INTS6: variants seen among roughly 807,000 people sequenced by gnomAD.
INTS6 encodes the protein DEAD box protein.
A neutral mutation model predicts 104.9 loss-of-function variants in INTS6; 16 were observed. The ratio of observed to expected loss-of-function variants is 0.15; its 90% CI spans 0.10 to 0.23. The LOEUF is 0.23. INTS6 is among the 10% of genes least tolerant of loss of function. The probability of loss-of-function intolerance (pLI) is 1.00; values close to 1 mark genes in which losing one functional copy is unlikely to be tolerated. For missense variants in INTS6, 584 were observed against 1,062.8 expected (o/e 0.55, Z 6.26); for synonymous variants, 324 against 358.7 (o/e 0.90, Z 1.09).
At chr13:51,404,306 A>C (rs1044240185) in intron 4 of INTS6, among the ~76,000 whole-genome samples, 3 of 151,566 alleles carry the variant, frequency 2.0e-5, no homozygotes, top group African/African-American at 7.3e-5. Flanking sequence ...AAAAAAAAAA[A>C]AAACAAAACT....
At position 51,431,475 on chromosome 13, in the gene INTS6, C is replaced by A. The variant is rs565255326; in HGVS notation, c.340-1092G>T. Among the ~76,000 whole-genome samples, 3 of 152,222 alleles carry A rather than the reference C, an allele frequency of 2.0e-5. No homozygotes were observed. The East Asian group carries it at 5.8e-4, about 29-fold the overall frequency. On this transcript the variant is annotated intron_variant, in intron 3 of 17. Transcript: ENST00000311234. ...GCTAGAAGACACTAATAGCCACAGA[C>A]CATACTTAGAACAACAAGAATGTAG...
intron 10 of INTS6, 73 bp from the exon 11 acceptor site, chr13:51,379,645 T>A: frequency 1.3e-6 from 1 of 758,114 alleles, no homozygotes; most frequent in Non-Finnish European, 2.0e-6. Flanking sequence ...TAGTCTGTCT[T>A]AAAATTTTCT....
the INTS6 span, among the ~76,000 whole-genome samples, chr13:51,336,555 G>A: frequency 1.3e-5 from 2 of 152,126 alleles, no homozygotes; most frequent in African/African-American, 4.8e-5. Context: ...TAGTCCAGCC[G>A]GTTACATGAC....
chr13:51,430,918 CA>C, intron 3 of INTS6, among the ~76,000 whole-genome samples: 1 of 152,046 alleles, frequency 6.6e-6, no homozygotes, highest in African/African-American at 2.4e-5. Flanking sequence ...CTAAATTCAG[CA>C]AAAATTTAAC....
chr13:51,430,231 C>A, intron 4 of INTS6, 63 bp downstream of exon 4: 2 of 1,379,848 alleles, frequency 1.4e-6, no homozygotes, highest in South Asian at 1.2e-5. Flanking sequence ...GTTCAGTATC[C>A]TACAAAAATA....
At chr13:51,430,204 G>T (rs1238353249) in intron 4 of INTS6, 90 bp downstream of exon 4, 5 of 1,029,368 alleles carry the variant, frequency 4.9e-6, no homozygotes, top group South Asian at 1.4e-5. Flanking sequence ...TAATCAACGA[G>T]AGAACCTATT....
At chr13:51,406,072 C>CTACTGCCT (rs1329763820) in intron 4 of INTS6, among the ~76,000 whole-genome samples, 2 of 152,098 alleles carry the variant, frequency 1.3e-5, no homozygotes, top group Non-Finnish European at 2.9e-5. Flanking sequence ...CCTCTGGCTG[C>CTACTGCCT]TACTGCCTTC....
At chr13:51,409,038 C>T (rs1000833791) in intron 4 of INTS6, among the ~76,000 whole-genome samples, 6 of 152,172 alleles carry the variant, frequency 3.9e-5, no homozygotes, top group East Asian at 1.9e-4. Context: ...TTTGAGTCTA[C>T]GCCTTCCCCA....
the INTS6 span, chr13:51,346,971 G>A: frequency 2.0e-5 from 27 of 1,338,414 alleles, no homozygotes; most frequent in Admixed American, 3.7e-4. Context: ...CACTGGGTTC[G>A]GTTCAGTTTC....
intron 4 of INTS6, among the ~76,000 whole-genome samples, chr13:51,409,441 TG>T (rs1186532381): frequency 6.6e-6 from 1 of 151,870 alleles, no homozygotes; most frequent in Non-Finnish European, 1.5e-5. Flanking sequence ...ATGTTGGCTT[TG>T]GACAGATATT....
chr13:51,378,282 T>C lies in INTS6; in HGVS notation c.1559A>G (p.Asn520Ser). The C allele has an allele frequency of 6.2e-7, 1 of 1,613,414 alleles. No homozygotes were observed. Among genetic ancestry groups the C allele is most frequent in the Non-Finnish European group, 8.5e-7 (1 of 1,179,434 alleles). ...EDVPHRLLDLNMKEYTGFQVA... is the reference protein window; with the variant it reads ...EDVPHRLLDLSMKEYTGFQVA... ...TTGGAACCCAGTGTATTCCTTCATA[T>C]TAAGGTCTAGCAGTCTGTGAGGGAC... The change falls in exon 12 of 18, where the codon AAT becomes AGT. Residue 520 changes from asparagine to serine, a missense_variant. Asn to Ser is a conservative substitution (Grantham distance 46). Around this residue, in one of 5 missense-constraint regions of INTS6, gnomAD observed 74 missense variants for 64.4 expected, o/e 1.15. Coordinates refer to ENST00000311234, the MANE Select transcript of INTS6 (RefSeq NM_012141.3).
chr13:51,368,038 A>G (rs1215984806), intron 16 of INTS6, 140 bp from the exon 17 acceptor site: 7 of 509,942 alleles, frequency 1.4e-5, no homozygotes, highest in Non-Finnish European at 2.4e-5. Flanking sequence ...CTCATTAGAG[A>G]TTTTATATTT....
In INTS6 at chr13:51,429,799, T is replaced by C. The variant is rs564185653; in HGVS notation, c.429+495A>G. 7.5e-4 allele frequency among the ~76,000 whole-genome samples: 97 copies of C among 129,748 alleles called. 5 individuals are homozygous for C. In the South Asian group the frequency reaches 0.024, roughly 32 times the overall value. 85.1% of individuals were successfully genotyped at this position (129,748 alleles called of 152,430 possible). ...AAAAAAAAAAAAATATATATATATATATATATATATGTATAATACATTTGA... is the reference window on the plus strand; with the variant it reads ...AAAAAAAAAAAAATATATATATATACATATATATATGTATAATACATTTGA... On this transcript the variant is annotated intron_variant, in intron 4 of 17. Transcript: ENST00000311234.
At chr13:51,374,863 T>C (rs1415792362) in intron 13 of INTS6, 67 bp from the exon 14 acceptor site, 1 of 1,506,550 alleles carries the variant, frequency 6.6e-7, no homozygotes, top group Non-Finnish European at 9.1e-7. Flanking sequence ...TGTTTCCTTA[T>C]ATATGAATGC....
chr13:51,435,396 C>T lies in INTS6; in HGVS notation c.340-5013G>A, dbSNP rs61956953. 4.2e-3 allele frequency among the ~76,000 whole-genome samples: 636 copies of T among 151,926 alleles called. 3 individuals carry two copies. The highest frequency in any genetic ancestry group is 0.013 in the South Asian group (63 of 4,808). ...TCAAAAACCTCAAGTAAGAGTTCTG[C>T]CACAAGATAATATAAAGCAAAACCT... On this transcript the variant is annotated intron_variant, in intron 3 of 17. Coordinates refer to ENST00000311234, the MANE Select transcript of INTS6 (RefSeq NM_012141.3).
At chr13:51,437,093 GTGAAGCA>G (rs1952704796) in intron 3 of INTS6, 1 of 152,028 alleles carries the variant, frequency 6.6e-6, no homozygotes, top group South Asian at 2.1e-4. Flanking sequence ...TTTTATTCTA[GTGAAGCA>G]TGTAATAAAA....
intron 3 of INTS6, chr13:51,437,832 A>C (rs1952719237): frequency 6.6e-6 from 1 of 152,190 alleles, no homozygotes; most frequent in Admixed American, 6.5e-5. Context: ...AACATGTTGA[A>C]ACACTGTCTC....
intron 3 of INTS6, chr13:51,354,985 G>A: frequency 1.2e-6 from 1 of 833,810 alleles, no homozygotes. Flanking sequence ...CATGTGGTGT[G>A]TATGAAAGTA....
the INTS6 span, among the ~76,000 whole-genome samples, chr13:51,336,021 C>T: frequency 6.6e-6 from 1 of 152,116 alleles, no homozygotes; most frequent in African/African-American, 2.4e-5. Context: ...ATTAACTCAA[C>T]CCTCTGCACC....
Sources: gnomAD v4.1 joint callset for allele counts (sites outside exome capture counted in the v4.1 genomes callset) on GRCh38, gnomAD v4.1.1 for gene constraint, gnomAD v4.1.1 regional missense constraint, MANE v1.5 for transcripts, NCBI Gene and HGNC (gene_info 2026-07-23, HGNC 2026-07-21) for gene names.